Variants in HECTD4 observed in about 807,000 individuals in gnomAD.
HECTD4 encodes the protein probable E3 ubiquitin-protein ligase HECTD4.
HECTD4 carries 114 observed loss-of-function variants against 471.5 expected under a neutral mutation model. That is an observed-to-expected ratio of 0.24 (90% CI 0.21 to 0.28). The LOEUF (loss-of-function observed/expected upper bound fraction) is 0.28. HECTD4 is among the 10% of genes least tolerant of loss of function. The pLI is 1.00. For missense variants in HECTD4, 3,866 were observed against 5,651.5 expected (o/e 0.68, Z 10.13); for synonymous variants, 2,012 against 2,256.0 (o/e 0.89, Z 3.07).
chr12:112,381,777 G>C lies in HECTD4; in HGVS notation c.177+175C>G, dbSNP rs1242205754. ...AGGAGGGAGGGAGGGAGAGCGGGGC[G>C]GGCGGTCCGCAGACCTGCGGCCGCG... On this transcript the variant is annotated intron_variant, in intron 1 of 75. Coordinates refer to ENST00000682272, the MANE Select transcript of HECTD4 (RefSeq NM_001388303.1). This position sits in a 1 kb window ranked among gnomAD's most constrained non-coding sequence, Gnocchi z 4.1. Among the ~76,000 whole-genome samples, 2 of 151,950 alleles carry C rather than the reference G, an allele frequency of 1.3e-5. No individual in the cohort carries two copies. The highest frequency in any genetic ancestry group is 2.1e-4 in the South Asian group (1 of 4,824).
At chr12:112,308,112 A>G (rs1013785491) in intron 6 of HECTD4, among the ~76,000 whole-genome samples, 1 of 152,210 alleles carries the variant, frequency 6.6e-6, no homozygotes, top group Non-Finnish European at 1.5e-5. Context: ...GAGGAATGGT[A>G]GTTACCATCA....
At chr12:112,360,221 G>A (rs989689929) in intron 1 of HECTD4, among the ~76,000 whole-genome samples, 6 of 152,128 alleles carry the variant, frequency 3.9e-5, no homozygotes, top group Admixed American at 1.3e-4. Flanking sequence ...TGGGAGGCTG[G>A]GGCAGGAGGA....
intron 37 of HECTD4, among the ~76,000 whole-genome samples, chr12:112,234,246 C>T (rs2135570476): frequency 6.6e-6 from 1 of 152,262 alleles, no homozygotes; most frequent in Admixed American, 6.5e-5. Context: ...GCCTCCTGAA[C>T]TTGGTTCTCC....
At chr12:112,373,802 C>G (rs1383006269) in intron 1 of HECTD4, among the ~76,000 whole-genome samples, 1 of 151,012 alleles carries the variant, frequency 6.6e-6, no homozygotes, top group African/African-American at 2.4e-5. Context: ...GTCAGGAGTT[C>G]CAGACCAGCC....
chr12:112,288,264 A>G (rs1730209846), intron 7 of HECTD4, among the ~76,000 whole-genome samples: 1 of 149,562 alleles, frequency 6.7e-6, no homozygotes, highest in South Asian at 2.1e-4. Flanking sequence ...GGTTGCAGTG[A>G]GCGGAGATCA....
intron 32 of HECTD4, among the ~76,000 whole-genome samples, chr12:112,242,510 G>A (rs2033662619): frequency 6.6e-6 from 1 of 151,948 alleles, no homozygotes; most frequent in South Asian, 2.1e-4. Flanking sequence ...CTACTTGGGA[G>A]GCTGAGGTGG....
chr12:112,219,572 A>T, intron 44 of HECTD4, 83 bp from the exon 45 acceptor site: 1 of 919,118 alleles, frequency 1.1e-6, no homozygotes, highest in Non-Finnish European at 1.7e-6. Flanking sequence ...CAGCATCAAA[A>T]CAATAAAATG....
rs2031324599 is a variant in HECTD4, at chr12:112,173,677, A to G, written c.11595-816T>C. Among the ~76,000 whole-genome samples, 2 of 151,692 alleles carry G rather than the reference A, an allele frequency of 1.3e-5. No homozygotes were observed. Among genetic ancestry groups the G allele is most frequent in the Admixed American group, 6.6e-5 (1 of 15,254 alleles). On this transcript the variant is annotated intron_variant, in intron 66 of 75. Transcript: ENST00000682272. The surrounding 1 kb of genome is among the most constrained non-coding windows in gnomAD (Gnocchi z 4.3). The stretch of plus-strand genomic sequence containing the variant: ...CCAAAGTGCTGCGATTACAGGCGTG[A>G]GCCAATGCGCCCGGCCAATTTTTAA...
chr12:112,259,553 C>A (rs1323950104), intron 18 of HECTD4, among the ~76,000 whole-genome samples: 1 of 129,636 alleles, frequency 7.7e-6, no homozygotes, highest in Non-Finnish European at 1.6e-5. Context: ...GGCTCTCACT[C>A]TTGTTACCCA....
At chr12:112,362,822 C>T (rs1566124725) in intron 1 of HECTD4, among the ~76,000 whole-genome samples, 1 of 152,040 alleles carries the variant, frequency 6.6e-6, no homozygotes, top group Non-Finnish European at 1.5e-5. Context: ...CTGCCTGAGC[C>T]TCTAGAGTAG....
intron 1 of HECTD4, among the ~76,000 whole-genome samples, chr12:112,327,838 GT>G (rs1274788152): frequency 6.6e-6 from 1 of 152,184 alleles, no homozygotes; most frequent in African/African-American, 2.4e-5. Context: ...TATGTTCCTG[GT>G]TAGGACGGAA....
At chr12:112,308,013 A>G (rs1327304868) in intron 6 of HECTD4, among the ~76,000 whole-genome samples, 1 of 152,242 alleles carries the variant, frequency 6.6e-6, no homozygotes, top group East Asian at 1.9e-4. Flanking sequence ...CCTTATCTGT[A>G]AGATAAACCT....
At chr12:112,346,477 A>G (rs957203464) in intron 1 of HECTD4, among the ~76,000 whole-genome samples, 1 of 152,058 alleles carries the variant, frequency 6.6e-6, no homozygotes, top group Non-Finnish European at 1.5e-5. Context: ...TGCCACTCAA[A>G]CTTTTTATTT....
Position 112,162,669 on chromosome 12 carries a change from G to T in HECTD4, c.13121-146C>A. On this transcript the variant is annotated intron_variant, in intron 75 of 75. Coordinates refer to ENST00000682272, the MANE Select transcript of HECTD4 (RefSeq NM_001388303.1). This position sits in a 1 kb window ranked among gnomAD's most constrained non-coding sequence, Gnocchi z 5.2. ...CCCAGCAGGAGGGGGATGAGGGCCT[G>T]GGAACCTGCGAGATGTTCTTGGAGG... 1.1e-6 allele frequency: 1 copy of T among 889,838 alleles called. No individual in the cohort carries two copies. Among genetic ancestry groups the T allele is most frequent in the Non-Finnish European group, 1.7e-6 (1 of 583,896 alleles). The allele number at this position is 889,838 out of a possible 1,614,324, so 55.1% of individuals were successfully genotyped here. A position where few individuals can be genotyped will look rare whatever the true frequency, so the allele number is the denominator to read the frequency against.
intron 1 of HECTD4, among the ~76,000 whole-genome samples, chr12:112,353,946 T>A (rs2036288993): frequency 6.6e-6 from 1 of 152,174 alleles, no homozygotes; most frequent in African/African-American, 2.4e-5. Context: ...CAGTGGTGCA[T>A]GCCTGTTGCC....
Position 112,235,685 on chromosome 12 carries a change from A to G in HECTD4, c.5544T>C (p.Ile1848=), listed in dbSNP as rs769800571. The G allele has an allele frequency of 6.2e-7, 1 of 1,614,008 alleles. No homozygotes were observed. Among genetic ancestry groups the G allele is most frequent in the South Asian group, 1.1e-5 (1 of 91,084 alleles). The change falls in exon 36 of 76, where the codon ATT becomes ATC. Residue 1848 remains isoleucine (I), a synonymous_variant. Transcript: ENST00000682272. The surrounding 1 kb of genome is among the most constrained non-coding windows in gnomAD (Gnocchi z 5.0). ...GCGCCGCCCGGCACAGCTGGAGAAT[A>G]ATAAGGACTAGCTTTGGAGACGGGC... ...DQRPSPKLVL[I]ILQLCRAALP...
intron 1 of HECTD4, among the ~76,000 whole-genome samples, chr12:112,324,841 A>G (rs1594046193): frequency 6.6e-6 from 1 of 152,190 alleles, no homozygotes; most frequent in Non-Finnish European, 1.5e-5. Flanking sequence ...GGCACTTTAA[A>G]AAAGCTTTTC....
intron 1 of HECTD4, among the ~76,000 whole-genome samples, chr12:112,361,331 A>C (rs2036444759): frequency 6.6e-6 from 1 of 151,906 alleles, no homozygotes; most frequent in Non-Finnish European, 1.5e-5. Context: ...CCCAGGCTTG[A>C]GTGCAGTGGT....
Position 112,243,797 on chromosome 12 carries a change from AAC to A in HECTD4, c.4650-38_4650-37del, listed in dbSNP as rs763619371. On this transcript the variant is annotated intron_variant, in intron 30 of 75. Coordinates refer to ENST00000682272, the MANE Select transcript of HECTD4 (RefSeq NM_001388303.1). The surrounding 1 kb of genome is among the most constrained non-coding windows in gnomAD (Gnocchi z 6.6). ...CACAGAACAGACTGGCAAGACGAGA[AAC>A]ACACTCAGGGAGCTTGTTTTGATGA... 1.9e-6 allele frequency: 3 copies of A among 1,609,730 alleles called. No homozygotes were observed. The highest frequency in any genetic ancestry group is 1.3e-5 in the African/African-American group (1 of 74,958).
Sources: allele counts gnomAD v4.1 joint callset (sites outside exome capture counted in the v4.1 genomes callset), GRCh38; gene constraint gnomAD v4.1.1; non-coding constraint Gnocchi (gnomAD v3.1); transcripts MANE v1.5; gene names NCBI Gene and HGNC (gene_info 2026-07-23, HGNC 2026-07-21).